TUSC3: variants seen among roughly 807,000 people sequenced by gnomAD.
TUSC3 encodes the protein tumor suppressor candidate 3.
A neutral mutation model predicts 44.8 loss-of-function variants in TUSC3; 45 were observed. That is an observed-to-expected ratio of 1.00 (90% CI 0.79 to 1.29). The LOEUF is 1.29. TUSC3 is among the 50% of genes most tolerant of loss of function. The pLI, the probability that TUSC3 is intolerant of heterozygous loss-of-function variation, is 0.00. For missense variants in TUSC3, 519 were observed against 437.9 expected (o/e 1.19, Z -1.65); for synonymous variants, 212 against 152.9 (o/e 1.39, Z -2.85).
At chr8:15,582,153 C>T (rs935399973) in intron 1 of TUSC3, among the ~76,000 whole-genome samples, 6 of 152,338 alleles carry the variant, frequency 3.9e-5, no homozygotes, top group South Asian at 4.1e-4. Flanking sequence ...GGCAATGCCT[C>T]GCCCTGCTTC....
chr8:15,699,843 C>T (rs1337777330), intron 6 of TUSC3, among the ~76,000 whole-genome samples: 1 of 151,952 alleles, frequency 6.6e-6, no homozygotes, highest in Non-Finnish European at 1.5e-5. Flanking sequence ...TTTCTTTTGA[C>T]CAAGTGATTA....
intron 2 of TUSC3, among the ~76,000 whole-genome samples, chr8:15,634,157 T>C (rs1451527685): frequency 6.6e-6 from 1 of 152,192 alleles, no homozygotes; most frequent in Non-Finnish European, 1.5e-5. Context: ...GCATGAGAAG[T>C]CCAGCCCTGG....
At chr8:15,642,161 C>G (rs1806400808) in intron 2 of TUSC3, among the ~76,000 whole-genome samples, 1 of 152,230 alleles carries the variant, frequency 6.6e-6, no homozygotes, top group African/African-American at 2.4e-5. Context: ...AACAATATTA[C>G]TGGGTAGAAT....
intron 6 of TUSC3, among the ~76,000 whole-genome samples, chr8:15,714,068 T>C (rs1809968273): frequency 6.6e-6 from 1 of 152,170 alleles, no homozygotes; most frequent in Non-Finnish European, 1.5e-5. Flanking sequence ...TCTTACACAA[T>C]TAAGAACAAC....
chr8:15,650,316 G>A (rs1423651311), intron 2 of TUSC3, among the ~76,000 whole-genome samples: 3 of 152,158 alleles, frequency 2.0e-5, no homozygotes, highest in African/African-American at 7.2e-5. Flanking sequence ...TAATTTATGT[G>A]TATAGGGAAT....
chr8:15,517,409 T>C (rs1801232375), intron 2 of TUSC3, among the ~76,000 whole-genome samples: 1 of 150,972 alleles, frequency 6.6e-6, no homozygotes, highest in South Asian at 2.1e-4. Flanking sequence ...ACTTACAAAG[T>C]CAGACATGGA....
At chr8:15,758,722 C>A (rs541051576) in intron 10 of TUSC3, among the ~76,000 whole-genome samples, 2 of 152,052 alleles carry the variant, frequency 1.3e-5, no homozygotes, top group South Asian at 2.1e-4. Flanking sequence ...TCTTCTCCCC[C>A]CAGATTGACT....
At chr8:15,447,988 A>T (rs1800129355) in intron 1 of TUSC3, among the ~76,000 whole-genome samples, 1 of 151,176 alleles carries the variant, frequency 6.6e-6, no homozygotes, top group South Asian at 2.1e-4. Flanking sequence ...TTCTACAGTC[A>T]CACTAGCAAT....
chr8:15,775,849 C>G, the TUSC3 span, among the ~76,000 whole-genome samples: 19 of 149,608 alleles, frequency 1.3e-4, no homozygotes, highest in Admixed American at 6.7e-5. Context: ...GATTCTTTTT[C>G]CTGTTGTGCC....
At chr8:15,813,341 A>G in the TUSC3 span, among the ~76,000 whole-genome samples, 540 of 151,738 alleles carry the variant, frequency 3.6e-3, 5 homozygotes, top group African/African-American at 0.013. Context: ...AGTCCTCTGT[A>G]CCATTAAGAG....
At chr8:15,507,032 G>T (rs1585069677) in intron 2 of TUSC3, among the ~76,000 whole-genome samples, 1 of 152,054 alleles carries the variant, frequency 6.6e-6, no homozygotes, top group African/African-American at 2.4e-5. Flanking sequence ...TGTATCTTTG[G>T]GTCTTCATTT....
At chr8:15,585,507 T>C (rs1370802985) in intron 1 of TUSC3, among the ~76,000 whole-genome samples, 4 of 152,164 alleles carry the variant, frequency 2.6e-5, no homozygotes, top group Non-Finnish European at 4.4e-5. Flanking sequence ...TGTGTTTTTT[T>C]ACAGTTGAAT....
chr8:15,690,595 T>C (rs1808856457), intron 6 of TUSC3, among the ~76,000 whole-genome samples: 1 of 152,200 alleles, frequency 6.6e-6, no homozygotes, highest in Non-Finnish European at 1.5e-5. Flanking sequence ...TCCAGAATGG[T>C]ATTTCCTGTG....
chr8:15,719,184 C>A (rs1181853672), intron 6 of TUSC3, among the ~76,000 whole-genome samples: 1 of 152,040 alleles, frequency 6.6e-6, no homozygotes, highest in Non-Finnish European at 1.5e-5. Flanking sequence ...CCATGTAATT[C>A]AGAATAACAT....
the TUSC3 span, among the ~76,000 whole-genome samples, chr8:15,781,377 C>T: frequency 6.6e-6 from 1 of 152,050 alleles, no homozygotes; most frequent in Non-Finnish European, 1.5e-5. Flanking sequence ...CTGGGGCCCA[C>T]GTAAAACAAA....
intron 2 of TUSC3, among the ~76,000 whole-genome samples, chr8:15,522,811 TC>T (rs1379823829): frequency 3.9e-5 from 6 of 152,174 alleles, no homozygotes; most frequent in African/African-American, 1.4e-4. Flanking sequence ...GGAATTTACC[TC>T]TGACAGGCTC....
At chr8:15,570,781 C>T (rs1000436965) in intron 1 of TUSC3, among the ~76,000 whole-genome samples, 6 of 151,742 alleles carry the variant, frequency 4.0e-5, no homozygotes, top group Non-Finnish European at 8.8e-5. Flanking sequence ...AGCTGTTCTT[C>T]TGATTTAAGT....
At chr8:15,434,171 C>A (rs1228002659) in intron 1 of TUSC3, among the ~76,000 whole-genome samples, 1 of 152,114 alleles carries the variant, frequency 6.6e-6, no homozygotes, top group African/African-American at 2.4e-5. Flanking sequence ...AATGGTACTT[C>A]ATGGTAGCTG....
chr8:15,797,240 G>A, the TUSC3 span, among the ~76,000 whole-genome samples: 1 of 152,350 alleles, frequency 6.6e-6, no homozygotes, highest in Admixed American at 6.5e-5. Flanking sequence ...TGGGCCCTAT[G>A]CAAATTATGA....
Sources: allele counts gnomAD v4.1 joint callset (sites outside exome capture counted in the v4.1 genomes callset), GRCh38; gene constraint gnomAD v4.1.1; transcripts MANE v1.5; gene names NCBI Gene and HGNC (gene_info 2026-07-23, HGNC 2026-07-21).